The following PCDH9 variants were observed in gnomAD, a reference collection of about 807,000 sequenced individuals.
PCDH9 encodes protocadherin-9.
In PCDH9, 24 loss-of-function variants were observed where a neutral mutation model predicts 70.6. The observed-to-expected ratio is 0.34, with a 90% CI of 0.25 to 0.48. PCDH9 has a LOEUF of 0.48. Ranked by LOEUF, PCDH9 falls within the 20% of genes least tolerant of loss-of-function variation. The probability of loss-of-function intolerance (pLI) is 0.99; values close to 1 mark genes in which losing one functional copy is unlikely to be tolerated. For missense variants in PCDH9, 1,281 were observed against 1,503.6 expected, an observed-to-expected ratio of 0.85 and a Z score of 2.45; for synonymous variants, 562 against 558.5, an observed-to-expected ratio of 1.01 and a Z score of -0.09.
In PCDH9 at chr13:66,414,769, T is replaced by C. The variant is rs9540743; in HGVS notation, c.3341-109741A>G. Among the ~76,000 whole-genome samples, 528 of 152,302 alleles carry C rather than the reference T, an allele frequency of 3.5e-3. 3 individuals are homozygous for C. Among genetic ancestry groups the C allele is most frequent in the Admixed American group, 6.0e-3 (92 of 15,296 alleles). ...TTTGTTGTCAGCTTTGAAAGTATAA[T>C]ATTTCAACGTGAAAACTATTATGTC... On this transcript the variant is annotated intron_variant, in intron 4 of 4. Transcript: ENST00000377865.
At chr13:67,036,304 A>G (rs1013705648) in intron 2 of PCDH9, among the ~76,000 whole-genome samples, 25 of 152,128 alleles carry the variant, frequency 1.6e-4, no homozygotes, top group Admixed American at 6.6e-5. Context: ...TGCATAAGCT[A>G]AAGTACATTC....
intron 3 of PCDH9, among the ~76,000 whole-genome samples, chr13:66,682,258 C>T (rs936091815): frequency 5.9e-5 from 9 of 151,950 alleles, no homozygotes; most frequent in African/African-American, 2.2e-4. Context: ...GAGGGCCCAT[C>T]GCCATTATAA....
intron 2 of PCDH9, among the ~76,000 whole-genome samples, chr13:67,024,655 G>A (rs1415869509): frequency 6.6e-6 from 1 of 151,958 alleles, no homozygotes; most frequent in Non-Finnish European, 1.5e-5. Flanking sequence ...TGGCCATGGT[G>A]AAGTCCTTAC....
intron 4 of PCDH9, among the ~76,000 whole-genome samples, chr13:66,547,617 G>A (rs1358745533): frequency 6.6e-6 from 1 of 151,976 alleles, no homozygotes; most frequent in East Asian, 1.9e-4. Flanking sequence ...ATATGCCCAT[G>A]ATAGTTCCAC....
chr13:66,560,203 T>G (rs1961949810), intron 4 of PCDH9, among the ~76,000 whole-genome samples: 2 of 152,018 alleles, frequency 1.3e-5, no homozygotes, highest in African/African-American at 2.4e-5. Context: ...TATGGGAATA[T>G]CTTTTCCTGT....
intron 2 of PCDH9, chr13:67,217,985 G>T (rs2089645636): frequency 6.6e-6 from 1 of 151,974 alleles, no homozygotes; most frequent in Admixed American, 6.6e-5. Flanking sequence ...TCTGCATTTG[G>T]AAAAAATAGG....
intron 3 of PCDH9, among the ~76,000 whole-genome samples, chr13:66,833,883 A>G (rs777085559): frequency 4.6e-5 from 7 of 152,198 alleles, no homozygotes; most frequent in Non-Finnish European, 8.8e-5. Context: ...ATAGTAGCCA[A>G]TCAGTGACAG....
intron 4 of PCDH9, among the ~76,000 whole-genome samples, chr13:66,372,555 C>T (rs1161402183): frequency 6.6e-6 from 1 of 151,220 alleles, no homozygotes; most frequent in Non-Finnish European, 1.5e-5. Context: ...GTCTTGATCG[C>T]ATAGTAGCCA....
chr13:66,871,207 G>A lies in PCDH9; in HGVS notation c.3138+32297C>T, dbSNP rs1380352665. On this transcript the variant is annotated intron_variant, in intron 3 of 4. Transcript: ENST00000377865. ...GAACAATGAGATCACATGGACACAT[G>A]AAGGGGAACATCACACTCTGGGGAC... Among the ~76,000 whole-genome samples the A allele has an allele frequency of 6.1e-5, 9 of 148,072 alleles. No individual in the cohort carries two copies. In the Admixed American group the frequency reaches 6.1e-4, roughly 10 times the overall value.
intron 4 of PCDH9, among the ~76,000 whole-genome samples, chr13:66,448,272 A>C (rs1282823310): frequency 6.6e-6 from 1 of 152,204 alleles, no homozygotes; most frequent in African/African-American, 2.4e-5. Flanking sequence ...TCAGAACCAC[A>C]GTACCCGACA....
At chr13:66,773,905 G>A (rs1364839130) in intron 3 of PCDH9, among the ~76,000 whole-genome samples, 1 of 151,266 alleles carries the variant, frequency 6.6e-6, no homozygotes, top group Non-Finnish European at 1.5e-5. Flanking sequence ...AGCCTCCCAA[G>A]TAGCTGGGAT....
chr13:66,762,380 C>T (rs573922520), intron 3 of PCDH9, among the ~76,000 whole-genome samples: 1 of 152,090 alleles, frequency 6.6e-6, no homozygotes, highest in East Asian at 1.9e-4. Flanking sequence ...AATTCAGAGT[C>T]CATAGGTGTC....
At chr13:66,622,287 T>G (rs1034804775) in intron 4 of PCDH9, among the ~76,000 whole-genome samples, 3 of 152,130 alleles carry the variant, frequency 2.0e-5, no homozygotes, top group African/African-American at 4.8e-5. Flanking sequence ...AGCCCCCTGC[T>G]CCACGGCGCC....
intron 4 of PCDH9, among the ~76,000 whole-genome samples, chr13:66,556,995 G>A (rs1033500044): frequency 2.6e-5 from 4 of 152,150 alleles, no homozygotes; most frequent in African/African-American, 9.7e-5. Context: ...GCTAATGGCT[G>A]ATGTGAGAGC....
chr13:66,958,285 C>T (rs372738400), intron 2 of PCDH9, among the ~76,000 whole-genome samples: 62 of 152,214 alleles, frequency 4.1e-4, no homozygotes, highest in African/African-American at 1.3e-3. Flanking sequence ...AGGTATGAGA[C>T]GGACTGGATG....
intron 2 of PCDH9, among the ~76,000 whole-genome samples, chr13:67,183,866 G>GA (rs908273795): frequency 8.6e-5 from 13 of 151,764 alleles, no homozygotes; most frequent in African/African-American, 2.7e-4. Flanking sequence ...AATTTAAAAA[G>GA]AAAAAAAATA....
At chr13:67,203,449 C>T (rs574436526) in intron 2 of PCDH9, 2 of 152,020 alleles carry the variant, frequency 1.3e-5, no homozygotes, top group South Asian at 4.2e-4. Context: ...TACTCTTGAC[C>T]CTTTTGGCTT....
In PCDH9 at chr13:67,058,008, T is replaced by C. The variant is rs10492597; in HGVS notation, c.3037-154403A>G. Among the ~76,000 whole-genome samples the C allele has an allele frequency of 8.5e-5, 13 of 152,170 alleles. No homozygotes were observed. In the South Asian group the frequency reaches 2.3e-3, roughly 27 times the overall value. On this transcript the variant is annotated intron_variant, in intron 2 of 4. Coordinates refer to ENST00000377865, the MANE Select transcript of PCDH9 (RefSeq NM_203487.3). ...TACACATTCCCAATTTATATCCAAT[T>C]TGAATAGCAGTGTGCCTAAACAATA...
intron 4 of PCDH9, among the ~76,000 whole-genome samples, chr13:66,449,083 T>C (rs1459279200): frequency 3.9e-5 from 6 of 152,156 alleles, no homozygotes; most frequent in Non-Finnish European, 8.8e-5. Context: ...GATAAAATCA[T>C]CTGCTCCTCC....
Sources: gnomAD v4.1 joint callset for allele counts (sites outside exome capture counted in the v4.1 genomes callset) on GRCh38, gnomAD v4.1.1 for gene constraint, MANE v1.5 for transcripts, NCBI Gene and HGNC (gene_info 2026-07-23, HGNC 2026-07-21) for gene names.